The following DCBLD2 variants were observed in gnomAD, a reference collection of about 807,000 sequenced individuals.
The protein encoded by DCBLD2 is discoidin, CUB and LCCL domain-containing protein 2.
DCBLD2 carries 54 observed loss-of-function variants against 86.8 expected under a neutral mutation model. The observed-to-expected ratio is 0.62, with a 90% CI of 0.50 to 0.78. The LOEUF is 0.78. DCBLD2 is among the 30% of genes least tolerant of loss of function. The pLI is 0.00. For missense variants in DCBLD2, 908 were observed against 954.2 expected (o/e 0.95, Z 0.64); for synonymous variants, 354 against 341.3 (o/e 1.04, Z -0.41).
At position 98,808,154 on chromosome 3, in the gene DCBLD2, G is replaced by C; in HGVS notation, c.1597C>G (p.Leu533Val). 6.2e-7 allele frequency: 1 copy of C among 1,603,530 alleles called. No individual in the cohort carries two copies. Among genetic ancestry groups the C allele is most frequent in the Non-Finnish European group, 8.5e-7 (1 of 1,175,102 alleles). The change falls in exon 13 of 16, where the codon CTT becomes GTT. Residue 533 changes from leucine to valine, a missense_variant. Leu to Val is a conservative substitution (Grantham distance 32). This residue lies in a region of DCBLD2 where 606 missense variants were observed against 678.5 expected (regional missense o/e 0.89). Transcript: ENST00000326840. Reference protein sequence around the residue: ...VTKDVALAAVLVPVLVMVLTT... With the variant: ...VTKDVALAAVVVPVLVMVLTT... Reference sequence around the variant, plus strand: ...AGGACCATGACCAGCACAGGGACAAGAACTGCAGCCAGCGCTACATCTGAA... The same window carrying C: ...AGGACCATGACCAGCACAGGGACAACAACTGCAGCCAGCGCTACATCTGAA...
At chr3:98,894,595 C>T (rs969243807) in intron 1 of DCBLD2, among the ~76,000 whole-genome samples, 3 of 152,042 alleles carry the variant, frequency 2.0e-5, no homozygotes, top group Non-Finnish European at 2.9e-5. Context: ...AGGAGTCTTC[C>T]TCCTGGGAAG....
At chr3:98,845,051 C>T (rs906069633) in intron 3 of DCBLD2, among the ~76,000 whole-genome samples, 3 of 152,100 alleles carry the variant, frequency 2.0e-5, no homozygotes, top group Non-Finnish European at 4.4e-5. Context: ...TTAGTCCTCT[C>T]ATAGTTGTTG....
intron 15 of DCBLD2, among the ~76,000 whole-genome samples, chr3:98,800,334 C>T (rs1460542177): frequency 6.6e-6 from 1 of 152,148 alleles, no homozygotes; most frequent in African/African-American, 2.4e-5. Flanking sequence ...CCCCACAAGC[C>T]TCAGTTAACA....
chr3:98,799,409 C>T lies in DCBLD2; in HGVS notation c.2291G>A (p.Arg764Lys), dbSNP rs1287536229. ...QSTQEVSGAG[R>K]DGECDVFKEI... ...TTTAAAAACATCACATTCCCCATCCCTTCCTGCTCCTGATACTTCTTGTGT... is the reference window on the plus strand; with the variant it reads ...TTTAAAAACATCACATTCCCCATCCTTTCCTGCTCCTGATACTTCTTGTGT... The change falls in exon 16 of 16, where the codon AGG (arginine) becomes AAG (lysine). Residue 764 changes from arginine to lysine, a missense_variant. Coordinates refer to ENST00000326840, the MANE Select transcript of DCBLD2 (RefSeq NM_080927.4). 1.9e-6 allele frequency: 3 copies of T among 1,613,284 alleles called. No homozygotes were observed. Among genetic ancestry groups the T allele is most frequent in the Admixed American group, 1.7e-5 (1 of 59,968 alleles).
intron 13 of DCBLD2, among the ~76,000 whole-genome samples, chr3:98,803,143 T>C (rs1464491251): frequency 6.6e-6 from 1 of 152,230 alleles, no homozygotes; most frequent in Non-Finnish European, 1.5e-5. Flanking sequence ...TTGGGCAGTA[T>C]GGCCATTTTC....
At chr3:98,881,792 T>A in intron 1 of DCBLD2, 25 bp from the exon 2 acceptor site, 3 of 1,575,220 alleles carry the variant, frequency 1.9e-6, no homozygotes, top group South Asian at 2.3e-5. Flanking sequence ...AAAAGAATGA[T>A]AAATTATTCT....
At chr3:98,876,456 T>C (rs2052594165) in intron 2 of DCBLD2, among the ~76,000 whole-genome samples, 1 of 77,224 alleles carries the variant, frequency 1.3e-5, no homozygotes, top group Non-Finnish European at 2.7e-5. Flanking sequence ...CGTCAACATA[T>C]GGGAAAAAAC....
intron 2 of DCBLD2, among the ~76,000 whole-genome samples, chr3:98,867,391 T>A (rs1419871028): frequency 1.3e-5 from 2 of 152,192 alleles, no homozygotes; most frequent in African/African-American, 4.8e-5. Flanking sequence ...AGCAGTGGTT[T>A]GTAGTTCTCC....
intron 13 of DCBLD2, among the ~76,000 whole-genome samples, chr3:98,802,985 T>C (rs1270573077): frequency 3.3e-5 from 5 of 152,236 alleles, no homozygotes; most frequent in African/African-American, 1.2e-4. Flanking sequence ...GGTAACGTGA[T>C]GCCTCCAGCT....
At chr3:98,832,852 T>C (rs1942348657) in intron 3 of DCBLD2, among the ~76,000 whole-genome samples, 1 of 152,200 alleles carries the variant, frequency 6.6e-6, no homozygotes, top group South Asian at 2.1e-4. Flanking sequence ...CCTTTCTCTC[T>C]AGCTGCCTTT....
intron 2 of DCBLD2, among the ~76,000 whole-genome samples, chr3:98,866,137 C>G (rs1351793304): frequency 6.6e-6 from 1 of 152,088 alleles, no homozygotes; most frequent in African/African-American, 2.4e-5. Flanking sequence ...GGTTCCAAGT[C>G]TTTGCTATTG....
intron 3 of DCBLD2, among the ~76,000 whole-genome samples, chr3:98,834,763 G>A (rs1489523027): frequency 6.6e-6 from 1 of 152,198 alleles, no homozygotes; most frequent in African/African-American, 2.4e-5. Context: ...AAAGATGGGA[G>A]TGCAGATATC....
chr3:98,892,829 GC>G (rs1346120361), intron 1 of DCBLD2, among the ~76,000 whole-genome samples: 1 of 152,104 alleles, frequency 6.6e-6, no homozygotes, highest in African/African-American at 2.4e-5. Flanking sequence ...CTTTTAGGAT[GC>G]CAAGAGTAGA....
chr3:98,838,470 C>T (rs1221620907), intron 3 of DCBLD2, among the ~76,000 whole-genome samples: 1 of 141,998 alleles, frequency 7.0e-6, no homozygotes, highest in Non-Finnish European at 1.5e-5. Flanking sequence ...AGAGACGCTC[C>T]TCACTTCCTA....
intron 3 of DCBLD2, among the ~76,000 whole-genome samples, chr3:98,829,401 A>G (rs1559776878): frequency 6.6e-6 from 1 of 152,174 alleles, no homozygotes; most frequent in Non-Finnish European, 1.5e-5. Flanking sequence ...AAGCCTAGTT[A>G]GCATCCCACA....
chr3:98,896,634 A>G (rs1367817712), intron 1 of DCBLD2, among the ~76,000 whole-genome samples: 2 of 152,242 alleles, frequency 1.3e-5, no homozygotes, highest in Admixed American at 6.5e-5. Flanking sequence ...GATGGATTAG[A>G]AGACAGAAAT....
At chr3:98,877,552 C>T (rs753059559) in intron 2 of DCBLD2, among the ~76,000 whole-genome samples, 1 of 150,678 alleles carries the variant, frequency 6.6e-6, no homozygotes, top group Non-Finnish European at 1.5e-5. Context: ...AGCATAAACT[C>T]ATGCTCTTTA....
chr3:98,817,319 G>T (rs1220464898), intron 9 of DCBLD2, among the ~76,000 whole-genome samples: 1 of 152,168 alleles, frequency 6.6e-6, no homozygotes, highest in Non-Finnish European at 1.5e-5. Context: ...TTGGTGAGAT[G>T]ATCTTCAGAT....
rs1321237363 is a variant in DCBLD2, at chr3:98,797,749, A to G, written c.*1623T>C. On this transcript the variant is annotated 3_prime_UTR_variant, in exon 16 of 16. Transcript: ENST00000326840. ...TCTCTTTCTGAAGCGATGTTTTAGAATACTGATATAATTCATGGAAACAAG... is the reference window on the plus strand; with the variant it reads ...TCTCTTTCTGAAGCGATGTTTTAGAGTACTGATATAATTCATGGAAACAAG... 1 of 152,236 alleles carries G rather than the reference A, an allele frequency of 6.6e-6. No individual in the cohort carries two copies. The highest frequency in any genetic ancestry group is 1.5e-5 in the Non-Finnish European group (1 of 68,034). 9.4% of individuals were successfully genotyped at this position (152,236 alleles called of 1,614,324 possible).
Sources: gnomAD v4.1 joint callset for allele counts (sites outside exome capture counted in the v4.1 genomes callset) on GRCh38, gnomAD v4.1.1 for gene constraint, gnomAD v4.1.1 regional missense constraint, MANE v1.5 for transcripts, NCBI Gene and HGNC (gene_info 2026-07-23, HGNC 2026-07-21) for gene names.